Variants in PIP5K1A observed in about 807,000 individuals in gnomAD.
PIP5K1A encodes phosphatidylinositol-4-phosphate 5-kinase type 1 alpha, also known as phosphatidylinositol 4-phosphate 5-kinase type-1 alpha.
A neutral mutation model predicts 72.9 loss-of-function variants in PIP5K1A; 46 were observed. The observed-to-expected ratio is 0.63, with a 90% CI of 0.50 to 0.81. PIP5K1A has a LOEUF of 0.81. Among genes scored for constraint, PIP5K1A ranks in the 30% least tolerant of loss-of-function variants. PIP5K1A has a pLI of 0.00. For synonymous variants in PIP5K1A, 228 were observed against 255.1 expected, an observed-to-expected ratio of 0.89 and a Z score of 1.01; for missense variants, 458 against 706.1, an observed-to-expected ratio of 0.65 and a Z score of 3.98.
At chr1:151,208,947 T>G (rs1434032633) in intron 1 of PIP5K1A, among the ~76,000 whole-genome samples, 1 of 151,276 alleles carries the variant, frequency 6.6e-6, no homozygotes, top group East Asian at 2.0e-4. Context: ...TTAGCCAGGA[T>G]GGTCTCGATC....
chr1:151,216,023 C>A (rs1208232533), intron 1 of PIP5K1A: 10 of 1,249,428 alleles, frequency 8.0e-6, no homozygotes, highest in South Asian at 7.5e-5. Flanking sequence ...TGTATCTGTG[C>A]TAAAGAAGCA....
intron 1 of PIP5K1A, among the ~76,000 whole-genome samples, chr1:151,204,862 T>C (rs1375334877): frequency 1.3e-5 from 2 of 152,230 alleles, no homozygotes; most frequent in African/African-American, 2.4e-5. Flanking sequence ...CTAATAGGTA[T>C]CCAGTTTCTG....
chr1:151,202,905 T>G (rs927711162), intron 1 of PIP5K1A, among the ~76,000 whole-genome samples: 2 of 150,830 alleles, frequency 1.3e-5, no homozygotes, highest in Admixed American at 6.6e-5. Context: ...CCCAAGTAAC[T>G]GAGATTACAG....
chr1:151,206,832 C>G (rs1026463616), intron 1 of PIP5K1A, among the ~76,000 whole-genome samples: 3 of 152,138 alleles, frequency 2.0e-5, no homozygotes, highest in African/African-American at 7.2e-5. Context: ...TCCCAAAGTG[C>G]TGGGATTATA....
intron 4 of PIP5K1A, among the ~76,000 whole-genome samples, chr1:151,230,545 C>T (rs769002906): frequency 4.6e-5 from 7 of 152,106 alleles, no homozygotes; most frequent in Non-Finnish European, 8.8e-5. Context: ...TTTTACCACA[C>T]TGTTGCCCTT....
chr1:151,207,676 C>T (rs1291237405), intron 1 of PIP5K1A, among the ~76,000 whole-genome samples: 5 of 151,562 alleles, frequency 3.3e-5, no homozygotes, highest in African/African-American at 4.9e-5. Flanking sequence ...GGATTACAGG[C>T]GCACGCCACC....
intron 14 of PIP5K1A, 93 bp downstream of exon 14, chr1:151,242,660 C>T: frequency 9.0e-7 from 1 of 1,109,616 alleles, no homozygotes; most frequent in Non-Finnish European, 1.3e-6. Flanking sequence ...AATAAATTAC[C>T]CCAAAGATTA....
intron 3 of PIP5K1A, among the ~76,000 whole-genome samples, chr1:151,226,311 TC>T (rs1689123982): frequency 6.6e-6 from 1 of 151,712 alleles, no homozygotes; most frequent in South Asian, 2.1e-4. Flanking sequence ...GGTCTTGAAC[TC>T]CTGACCTCGT....
intron 7 of PIP5K1A, 48 bp from the exon 8 acceptor site, chr1:151,234,149 A>T (rs752420747): frequency 1.4e-6 from 2 of 1,470,058 alleles, no homozygotes; most frequent in Non-Finnish European, 1.8e-6. Flanking sequence ...GTTTCACTGA[A>T]AATCAGCTAA....
chr1:151,224,113 C>A, intron 1 of PIP5K1A, 132 bp from the exon 2 acceptor site: 1 of 798,158 alleles, frequency 1.3e-6, no homozygotes, highest in Non-Finnish European at 2.2e-6. Flanking sequence ...CCAAAAGGAT[C>A]TGGTATTACT....
At chr1:151,232,831 T>A (rs1168669379) in intron 7 of PIP5K1A, 128 bp downstream of exon 7, 4 of 727,482 alleles carry the variant, frequency 5.5e-6, no homozygotes, top group Non-Finnish European at 8.9e-6. Context: ...CCAGGCACGG[T>A]GGCTCATGCC....
chr1:151,204,137 A>G (rs1216910778), intron 1 of PIP5K1A, among the ~76,000 whole-genome samples: 1 of 152,140 alleles, frequency 6.6e-6, no homozygotes, highest in African/African-American at 2.4e-5. Flanking sequence ...TGTAACCTGC[A>G]GTAATCTGTT....
chr1:151,227,175 C>A, intron 3 of PIP5K1A, 145 bp from the exon 4 acceptor site: 1 of 556,142 alleles, frequency 1.8e-6, no homozygotes, highest in Non-Finnish European at 3.2e-6. Context: ...TGTATATTTG[C>A]ATGGGATAGA....
intron 8 of PIP5K1A, among the ~76,000 whole-genome samples, chr1:151,235,334 T>C (rs2102691444): frequency 6.6e-6 from 1 of 152,284 alleles, no homozygotes; most frequent in South Asian, 2.1e-4. Flanking sequence ...CTGCCTGCCT[T>C]GGCCTCCCAA....
intron 8 of PIP5K1A, among the ~76,000 whole-genome samples, chr1:151,235,259 T>C (rs1050295346): frequency 2.0e-5 from 3 of 152,114 alleles, no homozygotes; most frequent in Non-Finnish European, 4.4e-5. Context: ...GTTTTTGTAT[T>C]TTTAGTAGTG....
intron 1 of PIP5K1A, among the ~76,000 whole-genome samples, chr1:151,221,348 T>A (rs1042313722): frequency 6.6e-6 from 1 of 152,184 alleles, no homozygotes; most frequent in Non-Finnish European, 1.5e-5. Context: ...AAACTAAGGC[T>A]GAGATGTATT....
chr1:151,232,680 A>G lies in PIP5K1A; in HGVS notation c.616A>G (p.Lys206Glu). The G allele has an allele frequency of 1.1e-5, 18 of 1,614,022 alleles. No homozygotes were observed. The highest frequency in any genetic ancestry group is 1.5e-5 in the Non-Finnish European group (18 of 1,179,980). Reference protein sequence around the residue: ...VQHKEAEFLQKLLPGYYMNLN... With the variant: ...VQHKEAEFLQELLPGYYMNLN... ...ACATAAAGAGGCGGAATTTCTGCAG[A>G]AGCTGCTTCCAGGATACTACATGGT... The change falls in exon 7 of 16, where the codon AAG becomes GAG. Residue 206 changes from lysine (K) to glutamate (E), a missense_variant. Coordinates refer to ENST00000368888, the MANE Select transcript of PIP5K1A (RefSeq NM_001135638.2).
intron 1 of PIP5K1A, among the ~76,000 whole-genome samples, chr1:151,210,980 T>C (rs1686720584): frequency 6.6e-6 from 1 of 152,210 alleles, no homozygotes; most frequent in African/African-American, 2.4e-5. Flanking sequence ...ACTCCAGTTG[T>C]CTGAGGAATG....
upstream of PIP5K1A, chr1:151,197,992 C>CT (rs1558222698): frequency 8.6e-6 from 4 of 465,608 alleles, no homozygotes. Flanking sequence ...CTCCCGTGCC[C>CT]TTTTTTGACA....
Sources: gnomAD v4.1 joint callset for allele counts (sites outside exome capture counted in the v4.1 genomes callset) on GRCh38, gnomAD v4.1.1 for gene constraint, MANE v1.5 for transcripts, NCBI Gene and HGNC (gene_info 2026-07-23, HGNC 2026-07-21) for gene names.